ORC5: variants seen among roughly 807,000 people sequenced by gnomAD.
ORC5 encodes the protein protein phosphatase 1, regulatory subunit 117.
In ORC5, 39 loss-of-function variants were observed where a neutral mutation model predicts 58.8. The observed-to-expected ratio is 0.66, with a 90% CI of 0.51 to 0.87. The LOEUF (loss-of-function observed/expected upper bound fraction) is 0.87, where lower values mean the gene tolerates loss of function less well. Among genes scored for constraint, ORC5 ranks in the 40% least tolerant of loss-of-function variants. The pLI, the probability that ORC5 is intolerant of heterozygous loss-of-function variation, is 0.00. For missense variants in ORC5, 493 were observed against 506.3 expected, an observed-to-expected ratio of 0.97 and a Z score of 0.25; for synonymous variants, 218 against 177.6, an observed-to-expected ratio of 1.23 and a Z score of -1.81.
chr7:104,130,718 A>G lies in ORC5; in HGVS notation c.1263-3825T>C, dbSNP rs377260464. ...TCAGAAATGCTCTACTTCTAAAGAA[A>G]TAAATTCAGACATTCTACCTTATGA... On this transcript the variant is annotated intron_variant, in intron 13 of 13. Coordinates refer to ENST00000297431, the MANE Select transcript of ORC5 (RefSeq NM_002553.4). Among the ~76,000 whole-genome samples the G allele has an allele frequency of 4.5e-4, 68 of 152,346 alleles. 2 individuals carry two copies. In the East Asian group the frequency reaches 0.012, roughly 26 times the overall value.
chr7:104,195,992 A>G (rs1368555825), intron 4 of ORC5, among the ~76,000 whole-genome samples: 1 of 152,224 alleles, frequency 6.6e-6, no homozygotes, highest in African/African-American at 2.4e-5. Context: ...AAAAAATGAG[A>G]AATGCTTTTG....
chr7:104,207,980 C>A lies in ORC5; in HGVS notation c.-76G>T, dbSNP rs1242698868. 6.4e-6 allele frequency: 9 copies of A among 1,402,526 alleles called. No homozygotes were observed. The highest frequency in any genetic ancestry group is 2.3e-5 in the South Asian group (2 of 85,254). The allele number at this position is 1,402,526 out of a possible 1,614,324, so 86.9% of individuals were successfully genotyped here. A position where few individuals can be genotyped will look rare whatever the true frequency, so the allele number is the denominator to read the frequency against. On this transcript the variant is annotated 5_prime_UTR_variant, in exon 1 of 14. Coordinates refer to ENST00000297431, the MANE Select transcript of ORC5 (RefSeq NM_002553.4). ...GCACAAGACGGAGCCTCTCCCGAGT[C>A]TGGCGGCCCACGCTCCCGCCGGAAA...
intron 12 of ORC5, among the ~76,000 whole-genome samples, chr7:104,160,526 T>C (rs180926104): frequency 6.6e-5 from 10 of 152,306 alleles, no homozygotes; most frequent in Non-Finnish European, 1.0e-4. Flanking sequence ...TTTCTTAAAA[T>C]GTCAACTAAA....
At chr7:104,182,456 A>G (rs1348584540) in intron 8 of ORC5, among the ~76,000 whole-genome samples, 3 of 152,124 alleles carry the variant, frequency 2.0e-5, no homozygotes, top group African/African-American at 7.2e-5. Flanking sequence ...ACCTGACCTA[A>G]AAGATTCTTT....
Position 104,136,987 on chromosome 7 carries a change from C to T in ORC5, c.1150-94G>A, listed in dbSNP as rs1798599885. The stretch of plus-strand genomic sequence containing the variant: ...CTTATAGTCTGATAAAGATACATAA[C>T]TGAATCACAAAAAACGTCTGCAAAG... On this transcript the variant is annotated intron_variant, in intron 12 of 13. Coordinates refer to ENST00000297431, the MANE Select transcript of ORC5 (RefSeq NM_002553.4). This position sits in a 1 kb window ranked among gnomAD's most constrained non-coding sequence, Gnocchi z 4.2. 2 of 810,934 alleles carry T rather than the reference C, an allele frequency of 2.5e-6. No homozygotes were observed. The highest frequency in any genetic ancestry group is 4.0e-6 in the Non-Finnish European group (2 of 500,294). 50.2% of individuals were successfully genotyped at this position (810,934 alleles called of 1,614,324 possible).
intron 9 of ORC5, among the ~76,000 whole-genome samples, chr7:104,167,775 A>G (rs975693494): frequency 6.6e-6 from 1 of 152,194 alleles, no homozygotes. Context: ...AGCTGGGTTC[A>G]AGGTCAAACA....
At chr7:104,169,209 A>G (rs1799164649) in intron 8 of ORC5, among the ~76,000 whole-genome samples, 1 of 152,180 alleles carries the variant, frequency 6.6e-6, no homozygotes, top group Non-Finnish European at 1.5e-5. Flanking sequence ...CAATCCCTCA[A>G]AGTAGGTATC....
chr7:104,126,729 C>T lies in ORC5; in HGVS notation c.*119G>A. 1 of 676,160 alleles carries T rather than the reference C, an allele frequency of 1.5e-6. No individual in the cohort carries two copies. Among genetic ancestry groups the T allele is most frequent in the Non-Finnish European group, 2.6e-6 (1 of 391,562 alleles). 41.9% of individuals were successfully genotyped at this position (676,160 alleles called of 1,614,324 possible). A position where few individuals can be genotyped will look rare whatever the true frequency, so the allele number is the denominator to read the frequency against. On this transcript the variant is annotated 3_prime_UTR_variant, in exon 14 of 14. Transcript: ENST00000297431. Reference sequence around the variant, plus strand: ...CATCAGATTCCATGCTGGGCCAGCACCTGTTTGGACAAATCCAATAGAGCC... The same window carrying T: ...CATCAGATTCCATGCTGGGCCAGCATCTGTTTGGACAAATCCAATAGAGCC...
chr7:104,146,729 G>A (rs1035726694), intron 12 of ORC5, among the ~76,000 whole-genome samples: 1 of 152,162 alleles, frequency 6.6e-6, no homozygotes, highest in African/African-American at 2.4e-5. Context: ...CTTGACTGTG[G>A]TGGTGAATTA....
chr7:104,157,698 G>A (rs1297589559), intron 12 of ORC5, among the ~76,000 whole-genome samples: 2 of 151,976 alleles, frequency 1.3e-5, no homozygotes, highest in Non-Finnish European at 2.9e-5. Flanking sequence ...TTCCCCAGAG[G>A]ATAAAATTGC....
chr7:104,134,645 G>A (rs1327492419), intron 13 of ORC5, among the ~76,000 whole-genome samples: 1 of 152,034 alleles, frequency 6.6e-6, no homozygotes, highest in Admixed American at 6.6e-5. Context: ...GCACCGAAAT[G>A]ACCTCCAACC....
At chr7:104,135,558 G>C (rs1237554296) in intron 13 of ORC5, among the ~76,000 whole-genome samples, 1 of 152,112 alleles carries the variant, frequency 6.6e-6, no homozygotes, top group Non-Finnish European at 1.5e-5. Flanking sequence ...CACCCAAACT[G>C]TTGGGATTAC....
At chr7:104,154,125 A>C (rs1032705353) in intron 12 of ORC5, among the ~76,000 whole-genome samples, 1 of 152,094 alleles carries the variant, frequency 6.6e-6, no homozygotes, top group African/African-American at 2.4e-5. Context: ...CTTTTTAAGA[A>C]AAGCCACTCA....
At chr7:104,207,793 G>C in intron 1 of ORC5, 40 bp downstream of exon 1, 2 of 1,571,512 alleles carry the variant, frequency 1.3e-6, no homozygotes, top group South Asian at 1.1e-5. Flanking sequence ...CTACCGAAAC[G>C]TCTGCCTCCA....
At chr7:104,128,710 G>C (rs1798467993) in intron 13 of ORC5, among the ~76,000 whole-genome samples, 1 of 123,534 alleles carries the variant, frequency 8.1e-6, no homozygotes, top group South Asian at 2.7e-4. Context: ...AGAGTGTGAT[G>C]TTCCCCTTCC....
intron 13 of ORC5, among the ~76,000 whole-genome samples, chr7:104,127,637 C>G (rs1798449641): frequency 6.6e-6 from 1 of 152,146 alleles, no homozygotes; most frequent in Non-Finnish European, 1.5e-5. Flanking sequence ...TTCAATTCTG[C>G]AAAAATAATC....
At chr7:104,159,090 A>G (rs957363657) in intron 12 of ORC5, among the ~76,000 whole-genome samples, 8 of 151,454 alleles carry the variant, frequency 5.3e-5, no homozygotes, top group African/African-American at 1.9e-4. Flanking sequence ...ATGTCCAACA[A>G]TGATAGACTG....
At chr7:104,194,529 T>A (rs139653788) in intron 5 of ORC5, among the ~76,000 whole-genome samples, 1 of 152,106 alleles carries the variant, frequency 6.6e-6, no homozygotes, top group Admixed American at 6.5e-5. Context: ...TCAGGATCTA[T>A]GAAATTTAAG....
At chr7:104,128,648 A>C (rs10249033) in intron 13 of ORC5, among the ~76,000 whole-genome samples, 2 of 147,048 alleles carry the variant, frequency 1.4e-5, no homozygotes, top group African/African-American at 5.1e-5. Context: ...AGCATTAGGT[A>C]TATCTCCTAA....
Sources: gnomAD v4.1 joint callset for allele counts (sites outside exome capture counted in the v4.1 genomes callset) on GRCh38, gnomAD v4.1.1 for gene constraint, Gnocchi (gnomAD v3.1) non-coding constraint, MANE v1.5 for transcripts, NCBI Gene and HGNC (gene_info 2026-07-23, HGNC 2026-07-21) for gene names.